MUSK: variants seen among roughly 807,000 people sequenced by gnomAD.
MUSK encodes the protein muscle, skeletal receptor tyrosine-protein kinase.
MUSK carries 55 observed loss-of-function variants against 88.7 expected under a neutral mutation model. The observed-to-expected ratio is 0.62, with a 90% CI of 0.50 to 0.78. MUSK has a LOEUF of 0.78. Ranked by LOEUF, MUSK falls within the 30% of genes least tolerant of loss-of-function variation. The pLI, the probability that MUSK is intolerant of heterozygous loss-of-function variation, is 0.00. For missense variants in MUSK, 1,015 were observed against 1,074.3 expected, an observed-to-expected ratio of 0.94 and a Z score of 0.77; for synonymous variants, 387 against 391.9, an observed-to-expected ratio of 0.99 and a Z score of 0.15.
chr9:110,753,037 C>T (rs2077267095), intron 7 of MUSK, among the ~76,000 whole-genome samples: 1 of 152,102 alleles, frequency 6.6e-6, no homozygotes, highest in Admixed American at 6.5e-5. Flanking sequence ...TCATCAGAAC[C>T]CTCAGCCCTG....
At chr9:110,755,753 C>G (rs2077302416) in intron 7 of MUSK, among the ~76,000 whole-genome samples, 1 of 151,702 alleles carries the variant, frequency 6.6e-6, no homozygotes. Flanking sequence ...TCCTCCTGTT[C>G]CTCTTCATCT....
chr9:110,719,560 ACCT>A (rs2076784849), intron 5 of MUSK, among the ~76,000 whole-genome samples: 1 of 152,054 alleles, frequency 6.6e-6, no homozygotes, highest in East Asian at 1.9e-4. Flanking sequence ...ATATATATAC[ACCT>A]TAACACTGGA....
chr9:110,734,648 T>C (rs560731754), intron 6 of MUSK, among the ~76,000 whole-genome samples: 39 of 152,136 alleles, frequency 2.6e-4, no homozygotes, highest in Non-Finnish European at 4.3e-4. Context: ...TATCTTCCCA[T>C]ATAAGTAAAA....
intron 12 of MUSK, among the ~76,000 whole-genome samples, chr9:110,785,287 C>T (rs1281313383): frequency 6.6e-6 from 1 of 152,194 alleles, no homozygotes; most frequent in African/African-American, 2.4e-5. Flanking sequence ...TGCTCCTTGT[C>T]TTCTCCTCAG....
At chr9:110,764,992 G>A (rs930499072) in intron 8 of MUSK, among the ~76,000 whole-genome samples, 1 of 151,986 alleles carries the variant, frequency 6.6e-6, no homozygotes, top group African/African-American at 2.4e-5. Context: ...AGACAGAGGG[G>A]TTCATTATTA....
intron 3 of MUSK, among the ~76,000 whole-genome samples, chr9:110,689,932 A>C (rs1207814602): frequency 1.0e-5 from 1 of 95,406 alleles, no homozygotes; most frequent in African/African-American, 4.5e-5. Flanking sequence ...TAAATATAAT[A>C]TATAAATATA....
intron 5 of MUSK, among the ~76,000 whole-genome samples, chr9:110,724,386 G>T (rs574147106): frequency 6.6e-5 from 10 of 151,982 alleles, no homozygotes; most frequent in African/African-American, 2.2e-4. Flanking sequence ...CAGTAATTTT[G>T]GGGGTTGCCC....
At chr9:110,686,871 G>A (rs928578941) in intron 2 of MUSK, among the ~76,000 whole-genome samples, 3 of 151,884 alleles carry the variant, frequency 2.0e-5, no homozygotes, top group Admixed American at 2.0e-4. Flanking sequence ...CTTATCAGTG[G>A]GCATCACCCT....
intron 14 of MUSK, among the ~76,000 whole-genome samples, chr9:110,790,246 G>C (rs1294603252): frequency 6.6e-6 from 1 of 152,132 alleles, no homozygotes; most frequent in Non-Finnish European, 1.5e-5. Context: ...CCCGAGAAGA[G>C]AGGTTTCTTA....
At chr9:110,733,197 C>A (rs895138318) in intron 5 of MUSK, among the ~76,000 whole-genome samples, 1 of 152,046 alleles carries the variant, frequency 6.6e-6, no homozygotes, top group African/African-American at 2.4e-5. Context: ...GTATAATAGG[C>A]CATCCAAAAG....
In MUSK at chr9:110,681,050, TTA is replaced by T. The variant is rs1469996396; in HGVS notation, c.80-1618_80-1617del. Among the ~76,000 whole-genome samples, 4 of 21,684 alleles carry T rather than the reference TTA, an allele frequency of 1.8e-4. 1 individual carries two copies. Among genetic ancestry groups the T allele is most frequent in the Non-Finnish European group, 3.5e-4 (4 of 11,540 alleles). The allele number at this position is 21,684 out of a possible 152,430, so 14.2% of individuals were successfully genotyped here. A position where few individuals can be genotyped will look rare whatever the true frequency, so the allele number is the denominator to read the frequency against. On this transcript the variant is annotated intron_variant, in intron 1 of 14. Transcript: ENST00000374448. Reference sequence around the variant, plus strand: ...TATATTATATATTATATAATATATATTATATATTATATATATAATATTATATA... The same window carrying T: ...TATATTATATATTATATAATATATATTATATTATATATATAATATTATATA...
chr9:110,799,709 C>T (rs2078062427), intron 14 of MUSK, among the ~76,000 whole-genome samples: 1 of 152,128 alleles, frequency 6.6e-6, no homozygotes, highest in Admixed American at 6.5e-5. Context: ...TCTCTCCTTT[C>T]AAAGTGCTAA....
chr9:110,739,040 C>T (rs961831621), intron 6 of MUSK, among the ~76,000 whole-genome samples: 1 of 152,062 alleles, frequency 6.6e-6, no homozygotes. Flanking sequence ...CTCTGGAAGC[C>T]CAGACCATTG....
chr9:110,670,555 T>C (rs886283006), intron 1 of MUSK, among the ~76,000 whole-genome samples: 4 of 152,206 alleles, frequency 2.6e-5, no homozygotes, highest in African/African-American at 9.7e-5. Flanking sequence ...TTGATTTTCA[T>C]TTCCAAACTT....
At chr9:110,709,359 A>G (rs535664507) in intron 5 of MUSK, among the ~76,000 whole-genome samples, 92 of 152,306 alleles carry the variant, frequency 6.0e-4, no homozygotes, top group African/African-American at 2.1e-3. Context: ...AGAAAACTGC[A>G]TGGGCTCTAG....
intron 2 of MUSK, among the ~76,000 whole-genome samples, chr9:110,686,041 A>C (rs2076192029): frequency 1.3e-5 from 2 of 152,160 alleles, no homozygotes; most frequent in African/African-American, 4.8e-5. Flanking sequence ...ACTATGTTAC[A>C]GTTCTGGAGT....
intron 1 of MUSK, among the ~76,000 whole-genome samples, chr9:110,682,060 C>G (rs1310362368): frequency 6.6e-6 from 1 of 151,966 alleles, no homozygotes; most frequent in Non-Finnish European, 1.5e-5. Flanking sequence ...TGCGCTTTAC[C>G]CATTAAAGTG....
At position 110,790,791 on chromosome 9, in the gene MUSK, A is replaced by G. The variant is rs1288534739; in HGVS notation, c.1927+2953A>G. Among the ~76,000 whole-genome samples, 4 of 152,354 alleles carry G rather than the reference A, an allele frequency of 2.6e-5. No homozygotes were observed. The East Asian group carries it at 5.8e-4, about 22-fold the overall frequency. Reference sequence around the variant, plus strand: ...CTAGAGAAACATAATATGATTGGCAAGAACATTAAAAGCTTACTTGAAATT... The same window carrying G: ...CTAGAGAAACATAATATGATTGGCAGGAACATTAAAAGCTTACTTGAAATT... On this transcript the variant is annotated intron_variant, in intron 14 of 14. Transcript: ENST00000374448.
chr9:110,687,271 G>T lies in MUSK; in HGVS notation c.358+3G>T, dbSNP rs777606910. 2.5e-6 allele frequency: 4 copies of T among 1,613,410 alleles called. No homozygotes were observed. Among genetic ancestry groups the T allele is most frequent in the Non-Finnish European group, 2.5e-6 (3 of 1,179,642 alleles). ...TGGAGCCCTGCAAGTGAAGATGAGT[G>T]AGTGGGAAACAGATTCGTCTATTGA... On this transcript the variant is annotated splice_donor_region_variant and intron_variant, in intron 3 of 14. Coordinates refer to ENST00000374448, the MANE Select transcript of MUSK (RefSeq NM_005592.4).
Sources: gnomAD v4.1 joint callset for allele counts (sites outside exome capture counted in the v4.1 genomes callset) on GRCh38, gnomAD v4.1.1 for gene constraint, MANE v1.5 for transcripts, NCBI Gene and HGNC (gene_info 2026-07-23, HGNC 2026-07-21) for gene names.